The following CFAP44 variants were observed in gnomAD, a reference collection of about 807,000 sequenced individuals.
CFAP44 encodes the protein cilia- and flagella-associated protein 44.
Under a neutral mutation model 216.2 loss-of-function variants are expected in CFAP44, and 134 were observed. The observed-to-expected ratio is 0.62, with a 90% confidence interval of 0.54 to 0.72. CFAP44 has a LOEUF of 0.72. CFAP44 is among the 30% of genes least tolerant of loss of function. CFAP44 has a pLI of 0.00. For synonymous variants in CFAP44, 700 were observed against 727.6 expected (o/e 0.96, Z 0.61); for missense variants, 2,035 against 2,182.1 (o/e 0.93, Z 1.34).
intron 4 of CFAP44, among the ~76,000 whole-genome samples, chr3:113,423,144 T>C (rs1559945176): frequency 7.5e-6 from 1 of 132,738 alleles, no homozygotes; most frequent in Non-Finnish European, 1.6e-5. Context: ...AGATGGGGTC[T>C]CACTTTGTCA....
In CFAP44 at chr3:113,288,995, C is replaced by G. The variant is rs892922410; in HGVS notation, c.*2562G>C. On this transcript the variant is annotated 3_prime_UTR_variant, in exon 35 of 35. Transcript: ENST00000393845. ...GTGTAGGCTGATTTTTGGCCTTACC[C>G]TCAGAGGTGAGGCTGCTCCTCTGGG... 6.6e-6 allele frequency: 1 copy of G among 152,142 alleles called. No homozygotes were observed. The highest frequency in any genetic ancestry group is 6.5e-5 in the Admixed American group (1 of 15,280). The allele number at this position is 152,142 out of a possible 1,614,324, so 9.4% of individuals were successfully genotyped here. A position where few individuals can be genotyped will look rare whatever the true frequency, so the allele number is the denominator to read the frequency against.
chr3:113,319,432 T>C (rs1213751972), intron 28 of CFAP44, among the ~76,000 whole-genome samples: 1 of 152,188 alleles, frequency 6.6e-6, no homozygotes, highest in Non-Finnish European at 1.5e-5. Flanking sequence ...CCCAGATTCA[T>C]AAAACAAGTT....
intron 28 of CFAP44, among the ~76,000 whole-genome samples, chr3:113,312,220 C>T (rs1342212656): frequency 5.3e-5 from 8 of 150,772 alleles, no homozygotes; most frequent in East Asian, 1.9e-4. Flanking sequence ...TACAGGTGCC[C>T]GCCACCATGC....
chr3:113,375,290 C>T (rs1933308004), intron 17 of CFAP44, among the ~76,000 whole-genome samples: 1 of 152,124 alleles, frequency 6.6e-6, no homozygotes, highest in South Asian at 2.1e-4. Context: ...AATACGTTTA[C>T]TACTACTGAG....
chr3:113,333,179 T>TA (rs1950255083), intron 25 of CFAP44, among the ~76,000 whole-genome samples: 1 of 152,186 alleles, frequency 6.6e-6, no homozygotes, highest in Non-Finnish European at 1.5e-5. Context: ...AGCTGGTTCT[T>TA]CCATATTAGC....
chr3:113,373,364 C>G, intron 18 of CFAP44, 47 bp downstream of exon 18: 3 of 1,432,996 alleles, frequency 2.1e-6, no homozygotes, highest in African/African-American at 2.9e-5. Flanking sequence ...AAAGCATAGA[C>G]ACTAACAGGA....
chr3:113,410,483 C>A (rs1034837569), intron 6 of CFAP44, among the ~76,000 whole-genome samples: 1 of 152,094 alleles, frequency 6.6e-6, no homozygotes, highest in African/African-American at 2.4e-5. Context: ...TGAACTCATC[C>A]TTTTTTATGG....
At chr3:113,315,850 G>C (rs1950081698) in intron 28 of CFAP44, among the ~76,000 whole-genome samples, 1 of 152,198 alleles carries the variant, frequency 6.6e-6, no homozygotes, top group African/African-American at 2.4e-5. Flanking sequence ...TAACATAAGT[G>C]TTCTGAGCAT....
rs182530888 is a variant in CFAP44 at position 113,304,690 on chromosome 3, G to A, written c.4875+346C>T. On this transcript the variant is annotated intron_variant, in intron 31 of 34. Coordinates refer to ENST00000393845, the MANE Select transcript of CFAP44 (RefSeq NM_001164496.2). ...AGCAAAGGTCATTTTAGCATGATTA[G>A]TCCATGTATAGATAAAGATGGTGTG... Among the ~76,000 whole-genome samples, 19 of 152,298 alleles carry A rather than the reference G, an allele frequency of 1.2e-4. No individual in the cohort carries two copies. In the East Asian group the frequency reaches 3.1e-3, roughly 25 times the overall value.
chr3:113,392,494 T>C (rs1434291779), intron 15 of CFAP44, among the ~76,000 whole-genome samples: 1 of 152,154 alleles, frequency 6.6e-6, no homozygotes, highest in Non-Finnish European at 1.5e-5. Context: ...TAGTATTTAT[T>C]AGCACAACCG....
chr3:113,413,251 TG>T (rs1559941247), intron 6 of CFAP44, among the ~76,000 whole-genome samples: 1 of 152,214 alleles, frequency 6.6e-6, no homozygotes, highest in African/African-American at 2.4e-5. Context: ...TTAAGTTCCT[TG>T]TAAATTCTGG....
intron 15 of CFAP44, among the ~76,000 whole-genome samples, chr3:113,385,211 T>G (rs937513461): frequency 6.6e-6 from 1 of 152,200 alleles, no homozygotes; most frequent in African/African-American, 2.4e-5. Context: ...GTGAGTCCAT[T>G]AAACCTCTTT....
chr3:113,379,197 TAAATAGATAAATG>T, intron 17 of CFAP44, 96 bp downstream of exon 17: 1 of 868,828 alleles, frequency 1.2e-6, no homozygotes, highest in Non-Finnish European at 1.6e-6. Flanking sequence ...TAAAAAAAAA[TAAATAGATAAATG>T]AAATCTTAAC....
At chr3:113,337,621 A>G (rs561677623) in intron 24 of CFAP44, among the ~76,000 whole-genome samples, 1 of 152,298 alleles carries the variant, frequency 6.6e-6, no homozygotes, top group East Asian at 1.9e-4. Context: ...AACAGACTTG[A>G]AAGTAAACCC....
intron 7 of CFAP44, 136 bp downstream of exon 7, chr3:113,408,970 C>A (rs1576595254): frequency 2.1e-4 from 97 of 461,476 alleles, no homozygotes; most frequent in Non-Finnish European, 2.2e-4. Flanking sequence ...TTTAAAATAA[C>A]ATATTTTTAA....
At chr3:113,413,421 T>A (rs1934547302) in intron 6 of CFAP44, among the ~76,000 whole-genome samples, 1 of 152,140 alleles carries the variant, frequency 6.6e-6, no homozygotes, top group Admixed American at 6.5e-5. Context: ...TGCTTTTGGC[T>A]TTTTTGTCAT....
At chr3:113,293,155 CCA>C (rs1451383424) in intron 34 of CFAP44, among the ~76,000 whole-genome samples, 2 of 152,306 alleles carry the variant, frequency 1.3e-5, no homozygotes, top group East Asian at 1.9e-4. Context: ...CAACTCATGC[CCA>C]GTCATTCCAG....
rs777625954 is a variant in CFAP44, at chr3:113,399,859, C to T, written c.1569+47G>A. On this transcript the variant is annotated intron_variant, in intron 13 of 34. Coordinates refer to ENST00000393845, the MANE Select transcript of CFAP44 (RefSeq NM_001164496.2). ...TTTCCAGAAAATAGCATTGATATAC[C>T]ATATTTACCAATAGATTCTGGTAGT... 15 of 1,291,534 alleles carry T rather than the reference C, an allele frequency of 1.2e-5. No individual in the cohort carries two copies. The East Asian group carries it at 3.0e-4, about 25-fold the overall frequency. 80.0% of individuals were successfully genotyped at this position (1,291,534 alleles called of 1,614,324 possible). A position where few individuals can be genotyped will look rare whatever the true frequency, so the allele number is the denominator to read the frequency against.
chr3:113,357,525 G>A (rs781154425), intron 22 of CFAP44, among the ~76,000 whole-genome samples: 1 of 152,196 alleles, frequency 6.6e-6, no homozygotes, highest in Non-Finnish European at 1.5e-5. Flanking sequence ...ACCACTAGAA[G>A]CTTGGAGACA....
Sources: allele counts gnomAD v4.1 joint callset (sites outside exome capture counted in the v4.1 genomes callset), GRCh38; gene constraint gnomAD v4.1.1; transcripts MANE v1.5; gene names NCBI Gene and HGNC (gene_info 2026-07-23, HGNC 2026-07-21).